MGAT4C: variants seen among roughly 807,000 people sequenced by gnomAD.
The protein encoded by MGAT4C is MGAT4 family member C, also known as alpha-1,3-mannosyl-glycoprotein 4-beta-N-acetylglucosaminyltransferase C.
MGAT4C carries 19 observed loss-of-function variants against 40.1 expected under a neutral mutation model. The observed-to-expected ratio is 0.47, with a 90% confidence interval of 0.33 to 0.70. MGAT4C has a LOEUF of 0.70. Among genes scored for constraint, MGAT4C ranks in the 30% least tolerant of loss-of-function variants. The pLI is 0.02. For synonymous variants in MGAT4C, 181 were observed against 187.1 expected (o/e 0.97, Z 0.27); for missense variants, 491 against 563.2 (o/e 0.87, Z 1.30).
chr12:86,306,151 G>A (rs1311550190), intron 4 of MGAT4C, among the ~76,000 whole-genome samples: 2 of 150,212 alleles, frequency 1.3e-5, no homozygotes, highest in Middle Eastern at 3.4e-3. Flanking sequence ...AAAAGATCTG[G>A]CAGTGTCCTA....
At chr12:85,994,467 A>G (rs1179455223) in intron 2 of MGAT4C, among the ~76,000 whole-genome samples, 1 of 152,186 alleles carries the variant, frequency 6.6e-6, no homozygotes, top group African/African-American at 2.4e-5. Flanking sequence ...AAAAGACAGA[A>G]CAAAATAAAT....
intron 4 of MGAT4C, among the ~76,000 whole-genome samples, chr12:86,273,731 G>T (rs190494399): frequency 1.3e-5 from 2 of 152,160 alleles, no homozygotes; most frequent in Admixed American, 1.3e-4. Flanking sequence ...TAAGAGATTT[G>T]CCAGTGTATA....
chr12:86,556,948 GC>G (rs1438091924), intron 2 of MGAT4C, among the ~76,000 whole-genome samples: 1 of 152,018 alleles, frequency 6.6e-6, no homozygotes, highest in African/African-American at 2.4e-5. Context: ...TAAGAAGAAA[GC>G]TATTATGTTG....
At chr12:86,188,493 A>G (rs568057029) in intron 1 of MGAT4C, among the ~76,000 whole-genome samples, 70 of 151,990 alleles carry the variant, frequency 4.6e-4, no homozygotes, top group Non-Finnish European at 7.5e-4. Context: ...ATTCTTAGGC[A>G]CTATTCCCAC....
intron 3 of MGAT4C, among the ~76,000 whole-genome samples, chr12:86,427,003 T>C (rs1956939920): frequency 6.6e-6 from 1 of 152,102 alleles, no homozygotes; most frequent in African/African-American, 2.4e-5. Context: ...AGTATCCTGC[T>C]CAGACCCTCT....
At chr12:86,421,600 AC>A (rs1956828059) in intron 3 of MGAT4C, among the ~76,000 whole-genome samples, 1 of 151,900 alleles carries the variant, frequency 6.6e-6, no homozygotes, top group Non-Finnish European at 1.5e-5. Flanking sequence ...GCCTAGAGAA[AC>A]CCCGTCTCTA....
chr12:86,165,492 T>G (rs1406812441), intron 1 of MGAT4C, among the ~76,000 whole-genome samples: 1 of 152,194 alleles, frequency 6.6e-6, no homozygotes, highest in Non-Finnish European at 1.5e-5. Flanking sequence ...CCAAAGTATT[T>G]CCATTTGTTC....
intron 1 of MGAT4C, among the ~76,000 whole-genome samples, chr12:86,177,500 C>G (rs921446234): frequency 1.3e-5 from 2 of 151,954 alleles, no homozygotes; most frequent in African/African-American, 4.8e-5. Context: ...ACAGAAATAT[C>G]TTAATAATTA....
chr12:86,184,991 C>T (rs1343971311), intron 1 of MGAT4C, among the ~76,000 whole-genome samples: 1 of 152,166 alleles, frequency 6.6e-6, no homozygotes, highest in Non-Finnish European at 1.5e-5. Context: ...AATTACCAAT[C>T]TACTTTTCGT....
intron 2 of MGAT4C, among the ~76,000 whole-genome samples, chr12:86,514,372 T>C (rs1045962485): frequency 6.6e-6 from 1 of 152,168 alleles, no homozygotes; most frequent in Non-Finnish European, 1.5e-5. Context: ...TGGCTTAAAA[T>C]GACACGAGTT....
intron 2 of MGAT4C, among the ~76,000 whole-genome samples, chr12:86,617,606 T>G (rs1409982474): frequency 5.3e-5 from 8 of 151,704 alleles, no homozygotes; most frequent in Admixed American, 4.6e-4. Context: ...GAGAATGGCA[T>G]GAACCCGGGA....
intron 2 of MGAT4C, among the ~76,000 whole-genome samples, chr12:86,665,124 A>G (rs1296084194): frequency 3.9e-5 from 6 of 152,044 alleles, no homozygotes; most frequent in Non-Finnish European, 7.4e-5. Context: ...ACTGTCTTTA[A>G]GAAGATGATA....
chr12:86,520,077 AT>A (rs1213294452), intron 2 of MGAT4C, among the ~76,000 whole-genome samples: 1 of 152,090 alleles, frequency 6.6e-6, no homozygotes, highest in Admixed American at 6.5e-5. Flanking sequence ...TTTAACATTT[AT>A]TTTAAGTGCA....
chr12:86,661,648 A>G (rs758623792), intron 2 of MGAT4C, among the ~76,000 whole-genome samples: 18 of 152,190 alleles, frequency 1.2e-4, no homozygotes, highest in Non-Finnish European at 2.4e-4. Context: ...CAACTGAAGC[A>G]ATCAAACATA....
At chr12:86,592,624 G>T (rs1490290166) in intron 2 of MGAT4C, among the ~76,000 whole-genome samples, 1 of 152,096 alleles carries the variant, frequency 6.6e-6, no homozygotes, top group African/African-American at 2.4e-5. Flanking sequence ...GTAGGGAGAG[G>T]CAGCTTTAGC....
chr12:86,711,053 T>C (rs1266615049), intron 2 of MGAT4C, among the ~76,000 whole-genome samples: 1 of 151,846 alleles, frequency 6.6e-6, no homozygotes, highest in South Asian at 2.1e-4. Context: ...TGGGAGGGGA[T>C]TGAGGGATAA....
chr12:86,278,641 G>A (rs1033479470), intron 4 of MGAT4C, among the ~76,000 whole-genome samples: 7 of 152,168 alleles, frequency 4.6e-5, no homozygotes, highest in African/African-American at 1.4e-4. Context: ...CATATCATCT[G>A]CAAACAAATA....
chr12:86,198,887 C>T (rs1024196630), intron 1 of MGAT4C, among the ~76,000 whole-genome samples: 4 of 152,166 alleles, frequency 2.6e-5, no homozygotes, highest in Admixed American at 2.6e-4. Flanking sequence ...TCACATATGG[C>T]TCACGCTAGA....
intron 3 of MGAT4C, among the ~76,000 whole-genome samples, chr12:86,386,644 T>C (rs1451244126): frequency 6.6e-6 from 1 of 152,232 alleles, no homozygotes; most frequent in African/African-American, 2.4e-5. Context: ...TTTCACATTG[T>C]GATCGAAAGT....
Sources: gnomAD v4.1 joint callset for allele counts (sites outside exome capture counted in the v4.1 genomes callset) on GRCh38, gnomAD v4.1.1 for gene constraint, MANE v1.5 for transcripts, NCBI Gene and HGNC (gene_info 2026-07-23, HGNC 2026-07-21) for gene names.